GIT2: variants seen among roughly 807,000 people sequenced by gnomAD.
The protein encoded by GIT2 is ARF GTPase-activating protein GIT2.
In GIT2, 32 loss-of-function variants were observed where a neutral mutation model predicts 100.3. The ratio of observed to expected loss-of-function variants is 0.32; its 90% confidence interval spans 0.24 to 0.43. GIT2 has a LOEUF of 0.43. Ranked by LOEUF, GIT2 falls within the 20% of genes least tolerant of loss-of-function variation. The pLI is 1.00. For synonymous variants in GIT2, 353 were observed against 364.1 expected (o/e 0.97, Z 0.35); for missense variants, 737 against 975.1 (o/e 0.76, Z 3.25).
rs554596023 is a variant in GIT2, at chr12:109,962,873, A to G, written c.817-1188T>C. Among the ~76,000 whole-genome samples, 1 of 152,340 alleles carries G rather than the reference A, an allele frequency of 6.6e-6. No homozygotes were observed. The highest frequency in any genetic ancestry group is 2.1e-4 in the South Asian group (1 of 4,824). On this transcript the variant is annotated intron_variant, in intron 9 of 19. Coordinates refer to ENST00000355312, the MANE Select transcript of GIT2 (RefSeq NM_057169.5). The surrounding 1 kb of genome is among the most constrained non-coding windows in gnomAD (Gnocchi z 4.3). ...GGCTACAGGCTGGGTGTGGTGGCTC[A>G]TGCCTATAATCCCAACACTTTGGGA...
chr12:109,937,922 C>T (rs1263859135), intron 18 of GIT2, among the ~76,000 whole-genome samples: 1 of 152,152 alleles, frequency 6.6e-6, no homozygotes, highest in African/African-American at 2.4e-5. Context: ...AGACTGGTCT[C>T]GAACTCCTGA....
In GIT2 at chr12:109,933,256, C is replaced by T; in HGVS notation, c.2068-66G>A. 1 of 983,988 alleles carries T rather than the reference C, an allele frequency of 1.0e-6. No homozygotes were observed. Among genetic ancestry groups the T allele is most frequent in the Non-Finnish European group, 1.6e-6 (1 of 637,514 alleles). The allele number at this position is 983,988 out of a possible 1,614,324, so 61.0% of individuals were successfully genotyped here. A position where few individuals can be genotyped will look rare whatever the true frequency, so the allele number is the denominator to read the frequency against. ...CAGACATCCAAAAGCAGGGGACAAA[C>T]ATTCTTCTAAAGCAAACCAAGCTGC... On this transcript the variant is annotated intron_variant, in intron 19 of 19. Coordinates refer to ENST00000355312, the MANE Select transcript of GIT2 (RefSeq NM_057169.5). The surrounding 1 kb of genome is among the most constrained non-coding windows in gnomAD (Gnocchi z 4.5).
intron 16 of GIT2, chr12:109,939,738 G>A (rs905824416): frequency 6.7e-6 from 1 of 149,436 alleles, no homozygotes; most frequent in African/African-American, 2.5e-5. Flanking sequence ...AATCAGCCAG[G>A]CATGGTAGCA....
intron 12 of GIT2, among the ~76,000 whole-genome samples, chr12:109,957,877 G>C (rs1036389465): frequency 6.6e-6 from 1 of 152,004 alleles, no homozygotes; most frequent in African/African-American, 2.4e-5. Flanking sequence ...TTTCCCTTCA[G>C]TTAATACCTA....
chr12:109,942,561 C>T (rs539097389), intron 16 of GIT2, among the ~76,000 whole-genome samples: 8 of 152,030 alleles, frequency 5.3e-5, no homozygotes, highest in Admixed American at 1.3e-4. Flanking sequence ...CTCAAACTAC[C>T]GAGCTCAGGC....
chr12:109,961,338 G>A lies in GIT2; in HGVS notation c.927C>T (p.Thr309=), dbSNP rs139764125. 163 of 1,613,508 alleles carry A rather than the reference G, an allele frequency of 1.0e-4. 1 individual carries two copies. The highest frequency in any genetic ancestry group is 9.3e-4 in the South Asian group (85 of 91,072). The change falls in exon 11 of 20, where the codon ACC becomes ACT. Residue 309 remains threonine (T), a synonymous_variant. Coordinates refer to ENST00000355312, the MANE Select transcript of GIT2 (RefSeq NM_057169.5). ...GAAGAAAGGGGACGACCGTTGTCTCGGTTACCAGGGCGCTGTGGTTTTGCG... is the reference window on the plus strand; with the variant it reads ...GAAGAAAGGGGACGACCGTTGTCTCAGTTACCAGGGCGCTGTGGTTTTGCG... ...LATQNHSALV[T]ETTVVPFLPV...
At chr12:109,988,891 T>C (rs1223275997) in intron 4 of GIT2, 72 bp downstream of exon 4, 3 of 846,530 alleles carry the variant, frequency 3.5e-6, no homozygotes, top group Admixed American at 2.4e-5. Context: ...CAGACTTTTT[T>C]TTCGTTTTTT....
Position 109,962,576 on chromosome 12 carries a change from G to C in GIT2, c.817-891C>G, listed in dbSNP as rs1266113674. The stretch of plus-strand genomic sequence containing the variant: ...TGCAGTGCCTCCCTGGGCACATGGA[G>C]GATAATTGAGGTCTTCCTGGCCCAG... On this transcript the variant is annotated intron_variant, in intron 9 of 19. Coordinates refer to ENST00000355312, the MANE Select transcript of GIT2 (RefSeq NM_057169.5). This position sits in a 1 kb window ranked among gnomAD's most constrained non-coding sequence, Gnocchi z 4.3. 6.6e-6 allele frequency among the ~76,000 whole-genome samples: 1 copy of C among 152,134 alleles called. No homozygotes were observed. Among genetic ancestry groups the C allele is most frequent in the Non-Finnish European group, 1.5e-5 (1 of 68,010 alleles).
intron 16 of GIT2, among the ~76,000 whole-genome samples, chr12:109,944,476 T>C (rs1364605481): frequency 3.3e-5 from 5 of 152,248 alleles, no homozygotes; most frequent in Admixed American, 1.3e-4. Context: ...TCTTTATGCA[T>C]GAAAGTATTT....
intron 1 of GIT2, among the ~76,000 whole-genome samples, chr12:109,992,867 T>C (rs1170378512): frequency 6.6e-6 from 1 of 151,990 alleles, no homozygotes; most frequent in Non-Finnish European, 1.5e-5. Context: ...AGACGAGGTT[T>C]CACCATGTTG....
Position 109,933,020 on chromosome 12 carries a change from G to T in GIT2, c.2238C>A (p.Ala746=). ...IQCAYDIAKA[A]KQLVTITTKE... The stretch of plus-strand genomic sequence containing the variant: ...TGGTGGTGATGGTAACCAGCTGCTT[G>T]GCAGCCTTGGCGATGTCGTACGCAC... Residue 746 remains alanine, a synonymous_variant, in exon 20 of 20, where the codon GCC becomes GCA. Transcript: ENST00000355312. This position sits in a 1 kb window ranked among gnomAD's most constrained non-coding sequence, Gnocchi z 4.5. 1 of 1,613,372 alleles carries T rather than the reference G, an allele frequency of 6.2e-7. No individual in the cohort carries two copies. The highest frequency in any genetic ancestry group is 8.5e-7 in the Non-Finnish European group (1 of 1,179,392).
rs1436637116 is a variant in GIT2, at chr12:109,948,181, T to C, written c.1393-677A>G. The C allele has an allele frequency of 4.1e-6, 4 of 980,132 alleles. No homozygotes were observed. Among genetic ancestry groups the C allele is most frequent in the Non-Finnish European group, 4.8e-6 (4 of 825,520 alleles). The allele number at this position is 980,132 out of a possible 1,614,324, so 60.7% of individuals were successfully genotyped here. On this transcript the variant is annotated intron_variant, in intron 14 of 19. Coordinates refer to ENST00000355312, the MANE Select transcript of GIT2 (RefSeq NM_057169.5). This position sits in a 1 kb window ranked among gnomAD's most constrained non-coding sequence, Gnocchi z 4.3. Reference sequence around the variant, plus strand: ...ATGGTAAGTTTGCTATATTAACATATCACGAAGAAAACTGGAAACCTATTG... The same window carrying C: ...ATGGTAAGTTTGCTATATTAACATACCACGAAGAAAACTGGAAACCTATTG...
chr12:109,986,786 C>A (rs1358521042), intron 4 of GIT2, among the ~76,000 whole-genome samples: 12 of 149,326 alleles, frequency 8.0e-5, no homozygotes, highest in East Asian at 3.9e-4. Flanking sequence ...AACAAACAAA[C>A]AAACAAAAAA....
chr12:109,933,846 C>G lies in GIT2; in HGVS notation c.2067+176G>C. The stretch of plus-strand genomic sequence containing the variant: ...GAACTCCCGACCTCAGGTGATCTGC[C>G]TGTCTCGGCCTCCCAAAGTGCTGGG... On this transcript the variant is annotated intron_variant, in intron 19 of 19. Transcript: ENST00000355312. This position sits in a 1 kb window ranked among gnomAD's most constrained non-coding sequence, Gnocchi z 4.5. The G allele has an allele frequency of 1.7e-6, 1 of 584,616 alleles. No homozygotes were observed. Among genetic ancestry groups the G allele is most frequent in the South Asian group, 1.9e-5 (1 of 51,686 alleles). The allele number at this position is 584,616 out of a possible 1,614,324, so 36.2% of individuals were successfully genotyped here.
At chr12:109,959,339 A>T (rs1426830634) in intron 12 of GIT2, among the ~76,000 whole-genome samples, 1 of 152,140 alleles carries the variant, frequency 6.6e-6, no homozygotes, top group Non-Finnish European at 1.5e-5. Context: ...AAGTGCTGGT[A>T]TTACAGGTGT....
chr12:109,952,190 C>T (rs918031363), intron 13 of GIT2, among the ~76,000 whole-genome samples: 7 of 152,170 alleles, frequency 4.6e-5, no homozygotes, highest in East Asian at 3.8e-4. Context: ...TTCAACCTTC[C>T]GACTTATTGC....
At chr12:109,945,675 T>C (rs1312168031) in intron 15 of GIT2, among the ~76,000 whole-genome samples, 1 of 152,252 alleles carries the variant, frequency 6.6e-6, no homozygotes, top group African/African-American at 2.4e-5. Flanking sequence ...TGAGAAACTA[T>C]AAAAATGATT....
At chr12:109,988,429 C>T (rs1421318971) in intron 4 of GIT2, among the ~76,000 whole-genome samples, 1 of 152,010 alleles carries the variant, frequency 6.6e-6, no homozygotes, top group Admixed American at 6.6e-5. Flanking sequence ...GTAGTTCCAG[C>T]TACTCGGGAG....
Position 109,965,997 on chromosome 12 carries a change from T to G in GIT2, c.765-420A>C, listed in dbSNP as rs563475785. On this transcript the variant is annotated intron_variant, in intron 8 of 19. Transcript: ENST00000355312. Reference sequence around the variant, plus strand: ...GGAGGATCACAAGGTCAGGGTTGTTTTTTTTTTTTTTTTTTTGAGATGGAG... The same window carrying G: ...GGAGGATCACAAGGTCAGGGTTGTTGTTTTTTTTTTTTTTTTGAGATGGAG... 6.8e-5 allele frequency among the ~76,000 whole-genome samples: 10 copies of G among 147,442 alleles called. No homozygotes were observed. The South Asian group carries it at 1.3e-3, about 19-fold the overall frequency.
Sources: allele counts gnomAD v4.1 joint callset (sites outside exome capture counted in the v4.1 genomes callset), GRCh38; gene constraint gnomAD v4.1.1; non-coding constraint Gnocchi (gnomAD v3.1); transcripts MANE v1.5; gene names NCBI Gene and HGNC (gene_info 2026-07-23, HGNC 2026-07-21).